GALNTL6: variants seen among roughly 807,000 people sequenced by gnomAD.
GALNTL6 encodes polypeptide N-acetylgalactosaminyltransferase-like 6.
In GALNTL6, 46 loss-of-function variants were observed where a neutral mutation model predicts 73.7. The observed-to-expected ratio is 0.62, with a 90% CI of 0.49 to 0.80. The LOEUF is 0.80. GALNTL6 is among the 30% of genes least tolerant of loss of function. GALNTL6 has a pLI of 0.00. For missense variants in GALNTL6, 604 were observed against 755.0 expected, an observed-to-expected ratio of 0.80 and a Z score of 2.34; for synonymous variants, 259 against 263.7, an observed-to-expected ratio of 0.98 and a Z score of 0.17.
At chr4:172,494,174 G>T (rs778542249) in intron 5 of GALNTL6, among the ~76,000 whole-genome samples, 1 of 152,122 alleles carries the variant, frequency 6.6e-6, no homozygotes, top group Non-Finnish European at 1.5e-5. Context: ...TGTATTCACT[G>T]CCTTATTTTT....
chr4:172,912,472 G>A (rs1479413575), intron 8 of GALNTL6, among the ~76,000 whole-genome samples: 1 of 152,224 alleles, frequency 6.6e-6, no homozygotes, highest in Non-Finnish European at 1.5e-5. Context: ...CTAGACAAGG[G>A]AAGCCATGAC....
intron 2 of GALNTL6, among the ~76,000 whole-genome samples, chr4:171,861,500 T>C (rs1289967003): frequency 6.6e-6 from 1 of 152,194 alleles, no homozygotes; most frequent in Non-Finnish European, 1.5e-5. Context: ...TCTCAAACAC[T>C]TTTGAAACTC....
chr4:171,895,035 A>T (rs1736869671), intron 2 of GALNTL6, among the ~76,000 whole-genome samples: 1 of 152,216 alleles, frequency 6.6e-6, no homozygotes, highest in South Asian at 2.1e-4. Context: ...AGTCAGACAG[A>T]ACACTTAGAA....
In GALNTL6 at chr4:172,409,243, T is replaced by C. The variant is rs1378253257; in HGVS notation, c.553+60554T>C. ...CTGGTGATTTATATCCCAAGTAAGA[T>C]ATTCCAATTAACCAGCAGTTATTAT... On this transcript the variant is annotated intron_variant, in intron 5 of 12. Coordinates refer to ENST00000506823, the MANE Select transcript of GALNTL6 (RefSeq NM_001034845.3). Among the ~76,000 whole-genome samples, 7 of 152,164 alleles carry C rather than the reference T, an allele frequency of 4.6e-5. No homozygotes were observed. In the East Asian group the frequency reaches 1.3e-3, roughly 29 times the overall value.
chr4:172,894,443 T>C (rs1323881011), intron 8 of GALNTL6, among the ~76,000 whole-genome samples: 1 of 152,200 alleles, frequency 6.6e-6, no homozygotes, highest in Admixed American at 6.5e-5. Flanking sequence ...TCTTAACTTC[T>C]TCATTGACCC....
chr4:172,049,166 A>G (rs968118175), intron 2 of GALNTL6, among the ~76,000 whole-genome samples: 3 of 152,188 alleles, frequency 2.0e-5, no homozygotes, highest in African/African-American at 7.2e-5. Context: ...GTGTATAATC[A>G]TAAATTATAT....
intron 2 of GALNTL6, among the ~76,000 whole-genome samples, chr4:171,904,970 G>T (rs188771407): frequency 0.014 from 2,084 of 152,222 alleles, 191 homozygotes; most frequent in Admixed American, 0.13. Flanking sequence ...CACCAGGCCT[G>T]CCCTAAAACA....
chr4:172,164,626 G>A (rs569737157), intron 2 of GALNTL6, among the ~76,000 whole-genome samples: 11 of 151,880 alleles, frequency 7.2e-5, no homozygotes, highest in South Asian at 2.1e-4. Context: ...ATTTTTTCTC[G>A]TTTGATCCTC....
intron 2 of GALNTL6, among the ~76,000 whole-genome samples, chr4:172,025,386 T>G (rs1560890093): frequency 6.6e-6 from 1 of 152,020 alleles, no homozygotes; most frequent in Non-Finnish European, 1.5e-5. Context: ...AACAGTGACC[T>G]TGAAAACTTC....
At chr4:172,644,588 A>G (rs985690562) in intron 5 of GALNTL6, among the ~76,000 whole-genome samples, 1 of 151,972 alleles carries the variant, frequency 6.6e-6, no homozygotes, top group Non-Finnish European at 1.5e-5. Flanking sequence ...ATTGCTTTGT[A>G]ATATTAAATA....
At chr4:171,970,152 C>T (rs192930699) in intron 2 of GALNTL6, among the ~76,000 whole-genome samples, 1 of 152,218 alleles carries the variant, frequency 6.6e-6, no homozygotes, top group Admixed American at 6.5e-5. Context: ...TTTTGGTTTA[C>T]CTAAAATATT....
At chr4:172,880,856 G>A (rs1745417339) in intron 7 of GALNTL6, among the ~76,000 whole-genome samples, 1 of 152,094 alleles carries the variant, frequency 6.6e-6, no homozygotes, top group Non-Finnish European at 1.5e-5. Flanking sequence ...AATAACCTAA[G>A]ATACACTGCA....
intron 2 of GALNTL6, among the ~76,000 whole-genome samples, chr4:172,222,845 A>C (rs1369118399): frequency 6.6e-6 from 1 of 151,996 alleles, no homozygotes; most frequent in African/African-American, 2.4e-5. Context: ...CAATGCCATC[A>C]ATTTCTGAGG....
intron 3 of GALNTL6, among the ~76,000 whole-genome samples, chr4:172,304,062 A>G (rs750994459): frequency 9.4e-6 from 1 of 106,604 alleles, no homozygotes; most frequent in Non-Finnish European, 2.1e-5. Context: ...ATATGTTTTA[A>G]ATCACAATAT....
chr4:171,906,099 C>A (rs1737266365), intron 2 of GALNTL6, among the ~76,000 whole-genome samples: 1 of 151,996 alleles, frequency 6.6e-6, no homozygotes, highest in Admixed American at 6.6e-5. Context: ...AAAGCAAGAG[C>A]AAACACATTC....
At chr4:172,429,662 CAG>C (rs2111379193) in intron 5 of GALNTL6, among the ~76,000 whole-genome samples, 1 of 152,224 alleles carries the variant, frequency 6.6e-6, no homozygotes, top group East Asian at 1.9e-4. Context: ...ATACTTGACA[CAG>C]AATTTCATAA....
intron 2 of GALNTL6, among the ~76,000 whole-genome samples, chr4:172,057,757 T>A (rs185718720): frequency 0.01 from 1,354 of 131,818 alleles, 19 homozygotes; most frequent in African/African-American, 0.027. Flanking sequence ...TATATATATA[T>A]AAATCAAGTT....
intron 2 of GALNTL6, among the ~76,000 whole-genome samples, chr4:171,899,650 T>C (rs1223419106): frequency 6.6e-6 from 1 of 152,174 alleles, no homozygotes; most frequent in Non-Finnish European, 1.5e-5. Flanking sequence ...ATGTATGCTA[T>C]ACACATAGAA....
rs773539514 is a variant in GALNTL6, at chr4:172,813,748, C to T, written c.923+25C>T. On this transcript the variant is annotated intron_variant, in intron 7 of 12. Transcript: ENST00000506823. ...AGTGAGTAGCAGCCAAGGGAGGGGCCGAGGGGGTGAGGGCAGGTAACTCAT... is the reference window on the plus strand; with the variant it reads ...AGTGAGTAGCAGCCAAGGGAGGGGCTGAGGGGGTGAGGGCAGGTAACTCAT... 9.6e-6 allele frequency: 15 copies of T among 1,566,726 alleles called. No individual in the cohort carries two copies. The Admixed American group carries it at 1.0e-4, about 11-fold the overall frequency.
Sources: allele counts gnomAD v4.1 joint callset (sites outside exome capture counted in the v4.1 genomes callset), GRCh38; gene constraint gnomAD v4.1.1; transcripts MANE v1.5; gene names NCBI Gene and HGNC (gene_info 2026-07-23, HGNC 2026-07-21).